Variants in L3MBTL4 observed in about 807,000 individuals in gnomAD.
L3MBTL4 encodes the protein lethal(3)malignant brain tumor-like protein 4.
A neutral mutation model predicts 84.5 loss-of-function variants in L3MBTL4; 70 were observed. The observed-to-expected ratio is 0.83, with a 90% CI of 0.68 to 1.01. The LOEUF (loss-of-function observed/expected upper bound fraction) is 1.01, where lower values mean the gene tolerates loss of function less well. Among genes scored for constraint, L3MBTL4 ranks in the 50% least tolerant of loss-of-function variants. The pLI is 0.00. For synonymous variants in L3MBTL4, 274 were observed against 259.8 expected (o/e 1.05, Z -0.52); for missense variants, 715 against 754.8 (o/e 0.95, Z 0.62).
chr18:6,000,047 T>C (rs772238516), intron 16 of L3MBTL4, among the ~76,000 whole-genome samples: 1 of 151,834 alleles, frequency 6.6e-6, no homozygotes, highest in South Asian at 2.1e-4. Flanking sequence ...TGTGTGTGAA[T>C]AGTTAGTTCA....
chr18:6,336,934 AAGAC>A (rs1202113262), intron 1 of L3MBTL4, among the ~76,000 whole-genome samples: 1 of 152,198 alleles, frequency 6.6e-6, no homozygotes. Context: ...AAATTAATGA[AAGAC>A]AGTATATTTC....
At chr18:6,212,271 T>C (rs1264262045) in intron 12 of L3MBTL4, among the ~76,000 whole-genome samples, 1 of 152,236 alleles carries the variant, frequency 6.6e-6, no homozygotes, top group Non-Finnish European at 1.5e-5. Flanking sequence ...CTAAAATGTA[T>C]GTACTGACTA....
At chr18:6,286,497 A>T (rs955639494) in intron 4 of L3MBTL4, among the ~76,000 whole-genome samples, 4 of 151,334 alleles carry the variant, frequency 2.6e-5, no homozygotes, top group East Asian at 1.9e-4. Flanking sequence ...ATAATAATTT[A>T]AAAAATAATA....
chr18:5,989,963 G>A (rs1441649908), intron 16 of L3MBTL4, among the ~76,000 whole-genome samples: 1 of 152,186 alleles, frequency 6.6e-6, no homozygotes, highest in Non-Finnish European at 1.5e-5. Context: ...CTTATACTCT[G>A]GTTGGGGGCA....
At chr18:6,115,988 G>A (rs936754245) in intron 14 of L3MBTL4, among the ~76,000 whole-genome samples, 1 of 152,170 alleles carries the variant, frequency 6.6e-6, no homozygotes, top group African/African-American at 2.4e-5. Context: ...GGACCAGAAA[G>A]AACCCTGAGC....
chr18:6,358,504 C>A (rs1306999022), intron 1 of L3MBTL4, among the ~76,000 whole-genome samples: 1 of 152,142 alleles, frequency 6.6e-6, no homozygotes, highest in East Asian at 1.9e-4. Context: ...CAAAACCCTG[C>A]AGTTTTAGAA....
At chr18:6,315,416 C>T (rs747156453) in intron 1 of L3MBTL4, among the ~76,000 whole-genome samples, 2 of 152,180 alleles carry the variant, frequency 1.3e-5, no homozygotes, top group African/African-American at 2.4e-5. Flanking sequence ...TAGTAGCTAA[C>T]ATTACTTGAG....
At chr18:6,220,649 C>T (rs962212639) in intron 10 of L3MBTL4, among the ~76,000 whole-genome samples, 1 of 152,190 alleles carries the variant, frequency 6.6e-6, no homozygotes, top group Non-Finnish European at 1.5e-5. Context: ...AGAACATAGG[C>T]TGCCTTATGA....
chr18:6,304,801 G>A (rs572129198), intron 3 of L3MBTL4, among the ~76,000 whole-genome samples: 31 of 152,240 alleles, frequency 2.0e-4, no homozygotes, highest in Non-Finnish European at 3.5e-4. Context: ...CCCTTCTACT[G>A]CAAAACCTAA....
At chr18:6,076,910 G>C (rs555647190) in intron 16 of L3MBTL4, among the ~76,000 whole-genome samples, 1 of 152,302 alleles carries the variant, frequency 6.6e-6, no homozygotes, top group African/African-American at 2.4e-5. Flanking sequence ...GGCCGTGAGA[G>C]TGACATCTCT....
intron 12 of L3MBTL4, among the ~76,000 whole-genome samples, chr18:6,209,690 T>A (rs2046024144): frequency 6.6e-6 from 1 of 152,104 alleles, no homozygotes; most frequent in Non-Finnish European, 1.5e-5. Flanking sequence ...CAAAAACATA[T>A]GTAAATGTTT....
intron 16 of L3MBTL4, among the ~76,000 whole-genome samples, chr18:6,058,896 T>G (rs552348657): frequency 6.6e-6 from 1 of 152,306 alleles, no homozygotes; most frequent in South Asian, 2.1e-4. Context: ...CCAAGAATCT[T>G]AGAAGCCAGT....
intron 12 of L3MBTL4, among the ~76,000 whole-genome samples, chr18:6,199,819 G>A (rs796092659): frequency 3.3e-5 from 5 of 152,316 alleles, no homozygotes; most frequent in African/African-American, 1.2e-4. Context: ...TAATGTTGTA[G>A]CACAAAATTT....
intron 16 of L3MBTL4, among the ~76,000 whole-genome samples, chr18:6,002,807 A>C (rs2054270846): frequency 6.6e-6 from 1 of 151,946 alleles, no homozygotes. Flanking sequence ...TATATAGAAA[A>C]CAAACAGTAA....
chr18:6,326,724 G>A (rs2051739750), intron 1 of L3MBTL4: 2 of 152,206 alleles, frequency 1.3e-5, no homozygotes, highest in African/African-American at 2.4e-5. Context: ...CAACTGCATG[G>A]CTACAATGTA....
At chr18:6,009,623 C>G (rs905762124) in intron 16 of L3MBTL4, among the ~76,000 whole-genome samples, 3 of 152,270 alleles carry the variant, frequency 2.0e-5, no homozygotes, top group South Asian at 2.1e-4. Flanking sequence ...TGCACACCCT[C>G]CCGTATACCT....
chr18:6,293,790 G>A (rs1441988599), intron 4 of L3MBTL4, among the ~76,000 whole-genome samples: 4 of 152,194 alleles, frequency 2.6e-5, no homozygotes, highest in Non-Finnish European at 5.9e-5. Context: ...TCATGAGGCA[G>A]TATCAGACAA....
intron 1 of L3MBTL4, among the ~76,000 whole-genome samples, chr18:6,408,084 G>A (rs1431706273): frequency 1.3e-5 from 2 of 152,046 alleles, no homozygotes; most frequent in Non-Finnish European, 2.9e-5. Flanking sequence ...GAGTAAAAAA[G>A]GCAGACTTAA....
chr18:6,036,949 C>T (rs1053504979), intron 16 of L3MBTL4, among the ~76,000 whole-genome samples: 39 of 152,198 alleles, frequency 2.6e-4, no homozygotes, highest in African/African-American at 8.7e-4. Context: ...TCTTTAATGT[C>T]TGGTCCCAAA....
Sources: gnomAD v4.1 joint callset for allele counts (sites outside exome capture counted in the v4.1 genomes callset) on GRCh38, gnomAD v4.1.1 for gene constraint, MANE v1.5 for transcripts, NCBI Gene and HGNC (gene_info 2026-07-23, HGNC 2026-07-21) for gene names.